Variants in WDR41 observed in about 807,000 individuals in gnomAD.
WDR41 encodes the protein WD repeat domain 41, also known as WD repeat-containing protein 41.
A neutral mutation model predicts 69.3 loss-of-function variants in WDR41; 63 were observed. That is an observed-to-expected ratio of 0.91 (90% confidence interval 0.74 to 1.12). The LOEUF is 1.12. WDR41 is among the 50% of genes most tolerant of loss of function. The pLI, the probability that WDR41 is intolerant of heterozygous loss-of-function variation, is 0.00. For synonymous variants in WDR41, 185 were observed against 192.1 expected, an observed-to-expected ratio of 0.96 and a Z score of 0.31; for missense variants, 543 against 534.5, an observed-to-expected ratio of 1.02 and a Z score of -0.16.
intron 1 of WDR41, among the ~76,000 whole-genome samples, chr5:77,598,526 A>G (rs1350272271): frequency 6.6e-6 from 1 of 152,208 alleles, no homozygotes; most frequent in African/African-American, 2.4e-5. Flanking sequence ...CAAACAGCAC[A>G]AGTCAGAGGT....
intron 1 of WDR41, among the ~76,000 whole-genome samples, chr5:77,544,080 T>A (rs1743145579): frequency 6.6e-6 from 1 of 152,054 alleles, no homozygotes; most frequent in Non-Finnish European, 1.5e-5. Context: ...AAAGGTACAG[T>A]CTTTCTCAAA....
At chr5:77,616,239 A>C (rs1211676853) in intron 1 of WDR41, among the ~76,000 whole-genome samples, 1 of 152,130 alleles carries the variant, frequency 6.6e-6, no homozygotes, top group Non-Finnish European at 1.5e-5. Context: ...CAGGTCACGA[A>C]ATAAATCCAT....
chr5:77,548,540 C>G (rs1190614120), intron 1 of WDR41, among the ~76,000 whole-genome samples: 1 of 152,218 alleles, frequency 6.6e-6, no homozygotes, highest in Non-Finnish European at 1.5e-5. Context: ...CTTGACATCA[C>G]TAATGATCAG....
At chr5:77,444,927 T>C (rs924016937) in intron 8 of WDR41, among the ~76,000 whole-genome samples, 1 of 151,864 alleles carries the variant, frequency 6.6e-6, no homozygotes, top group African/African-American at 2.4e-5. Context: ...AGACAAGAAA[T>C]AACTAAGATC....
chr5:77,469,037 T>C (rs1800433506), intron 2 of WDR41, among the ~76,000 whole-genome samples: 3 of 152,162 alleles, frequency 2.0e-5, no homozygotes, highest in Admixed American at 6.5e-5. Flanking sequence ...GTGGCACATA[T>C]ACACCATGGA....
At chr5:77,542,295 G>A (rs1418342323) in intron 1 of WDR41, among the ~76,000 whole-genome samples, 1 of 152,152 alleles carries the variant, frequency 6.6e-6, no homozygotes, top group African/African-American at 2.4e-5. Flanking sequence ...TGGGAGGAGG[G>A]AGAGCATCAG....
chr5:77,434,204 G>A (rs932469214), intron 12 of WDR41, among the ~76,000 whole-genome samples: 12 of 152,138 alleles, frequency 7.9e-5, no homozygotes, highest in East Asian at 1.9e-4. Flanking sequence ...CCAGCTACTC[G>A]GGAGGCCGAG....
At chr5:77,540,202 A>T (rs566206502) in intron 1 of WDR41, among the ~76,000 whole-genome samples, 2 of 152,282 alleles carry the variant, frequency 1.3e-5, no homozygotes, top group African/African-American at 4.8e-5. Context: ...AGCTGGCAGG[A>T]CCCCGTGGGA....
In WDR41 at chr5:77,440,796, G is replaced by C. The variant is rs2560077; in HGVS notation, c.882+17C>G. On this transcript the variant is annotated intron_variant, in intron 9 of 12. Transcript: ENST00000296679. The stretch of plus-strand genomic sequence containing the variant: ...TATGTCAAAGGCAAGTTTATAGATA[G>C]TGTATACATTTTTTACCTCTTCATC... 12 of 1,611,888 alleles carry C rather than the reference G, an allele frequency of 7.4e-6. No homozygotes were observed. Among genetic ancestry groups the C allele is most frequent in the Admixed American group, 1.7e-5 (1 of 59,910 alleles).
Position 77,480,731 on chromosome 5 carries a change from G to A in WDR41, c.167+8726C>T, listed in dbSNP as rs564586674. Among the ~76,000 whole-genome samples, 1,331 of 150,838 alleles carry A rather than the reference G, an allele frequency of 8.8e-3. 11 individuals are homozygous for A. The highest frequency in any genetic ancestry group is 0.012 in the Non-Finnish European group (842 of 67,782). ...GGAGATATACCTAATGCTAGATGAC[G>A]AGTTAGTGGGTGCAGCGCACCAGCA... On this transcript the variant is annotated intron_variant, in intron 2 of 12. Transcript: ENST00000296679.
At chr5:77,492,361 G>T, upstream of WDR41, 1 of 1,102,158 alleles carries the variant, frequency 9.1e-7, no homozygotes, top group Non-Finnish European at 1.3e-6. Context: ...CGGGCCGAAG[G>T]AATGCAGACC....
At chr5:77,454,191 A>C (rs1799737505) in intron 5 of WDR41, among the ~76,000 whole-genome samples, 1 of 152,176 alleles carries the variant, frequency 6.6e-6, no homozygotes, top group South Asian at 2.1e-4. Context: ...ACGTGCTCTA[A>C]GGTGAAGACA....
chr5:77,533,042 A>G (rs2112210365), intron 1 of WDR41, among the ~76,000 whole-genome samples: 1 of 152,336 alleles, frequency 6.6e-6, no homozygotes, highest in Middle Eastern at 3.4e-3. Context: ...AATATCTTGC[A>G]TACACATGGA....
rs373632700 is a variant in WDR41, at chr5:77,505,055, T to C, written c.43-15483A>G. On this transcript the variant is annotated intron_variant, in intron 1 of 5. Transcript: ENST00000509971. ...TCAGGCAAGAGAAAGAAATAAAGGGTATTCAATTAGGAAAAGAGGAAGTCA... is the reference window on the plus strand; with the variant it reads ...TCAGGCAAGAGAAAGAAATAAAGGGCATTCAATTAGGAAAAGAGGAAGTCA... Among the ~76,000 whole-genome samples, 3 of 152,162 alleles carry C rather than the reference T, an allele frequency of 2.0e-5. No homozygotes were observed. In the East Asian group the frequency reaches 5.8e-4, roughly 29 times the overall value.
At chr5:77,605,921 G>C (rs893882443) in intron 1 of WDR41, among the ~76,000 whole-genome samples, 4 of 152,066 alleles carry the variant, frequency 2.6e-5, no homozygotes, top group African/African-American at 9.7e-5. Flanking sequence ...TGTGATTACT[G>C]TTCTCAAGAA....
Position 77,437,422 on chromosome 5 carries a change from T to C in WDR41, c.1007A>G (p.Gln336Arg), listed in dbSNP as rs17856057. The change falls in exon 11 of 13, where the codon CAG (glutamine) becomes CGG (arginine). Residue 336 changes from glutamine to arginine, a missense_variant and splice_region_variant. By Grantham distance (43) the Gln-to-Arg change is conservative. Transcript: ENST00000296679. ...VLHVARLPNR[Q>R]LISCSEDGSV... ...GCCATCTTCTGAGCATGAGATTAAC[T>C]GCCTGTCAGAACAGAAAATCAGTAA... The C allele has an allele frequency of 6.2e-7, 1 of 1,613,620 alleles. No homozygotes were observed. Among genetic ancestry groups the C allele is most frequent in the Non-Finnish European group, 8.5e-7 (1 of 1,179,730 alleles).
chr5:77,578,172 G>A (rs1038680274), intron 1 of WDR41, among the ~76,000 whole-genome samples: 1 of 151,984 alleles, frequency 6.6e-6, no homozygotes, highest in African/African-American at 2.4e-5. Flanking sequence ...ATCATAAGTC[G>A]AACCATCACA....
intron 1 of WDR41, among the ~76,000 whole-genome samples, chr5:77,575,710 G>A (rs1743819050): frequency 6.6e-6 from 1 of 151,900 alleles, no homozygotes; most frequent in Non-Finnish European, 1.5e-5. Flanking sequence ...TTTTTTTTCT[G>A]TGTGTCATGA....
chr5:77,479,515 G>A (rs1033254211), intron 2 of WDR41, among the ~76,000 whole-genome samples: 108 of 152,132 alleles, frequency 7.1e-4, no homozygotes, highest in Non-Finnish European at 1.2e-3. Context: ...CAGAAATAAC[G>A]CCGCATATCT....
Sources: gnomAD v4.1 joint callset for allele counts (sites outside exome capture counted in the v4.1 genomes callset) on GRCh38, gnomAD v4.1.1 for gene constraint, MANE v1.5 for transcripts, NCBI Gene and HGNC (gene_info 2026-07-23, HGNC 2026-07-21) for gene names.